ZNF444: variants seen among roughly 807,000 people sequenced by gnomAD.
ZNF444 encodes endothelial zinc finger protein 2.
In ZNF444, 8 loss-of-function variants were observed where a neutral mutation model predicts 14.4. The observed-to-expected ratio is 0.56, with a 90% CI of 0.33 to 1.00. The LOEUF is 1.00. Among genes scored for constraint, ZNF444 ranks in the 50% least tolerant of loss-of-function variants. The pLI is 0.03. For synonymous variants in ZNF444, 258 were observed against 235.9 expected (o/e 1.09, Z -0.86); for missense variants, 510 against 504.8 (o/e 1.01, Z -0.10).
intron 3 of ZNF444, chr19:56,154,226 CCTT>C (rs1278353599): frequency 8.5e-5 from 13 of 152,294 alleles, no homozygotes; most frequent in African/African-American, 1.7e-4. Context: ...TGATGAAAGA[CCTT>C]CGCGTATAGA....
chr19:56,160,515 T>G lies in ZNF444; in HGVS notation c.*314T>G, dbSNP rs2032231418. On this transcript the variant is annotated 3_prime_UTR_variant, in exon 5 of 5. Transcript: ENST00000337080. The stretch of plus-strand genomic sequence containing the variant: ...CTCTTCTCTCTCCTGCGGCCCAGCC[T>G]CCCTCTCCCTCCTCCATTCCTCTCT... 1 of 328,078 alleles carries G rather than the reference T, an allele frequency of 3.0e-6. No homozygotes were observed. The allele number at this position is 328,078 out of a possible 1,614,324, so 20.3% of individuals were successfully genotyped here.
At chr19:56,135,187 C>T (rs532901327) in intron 1 of ZNF444, among the ~76,000 whole-genome samples, 3 of 152,026 alleles carry the variant, frequency 2.0e-5, no homozygotes, top group Non-Finnish European at 4.4e-5. Flanking sequence ...GCCGAGATCG[C>T]GCCACTGCAC....
intron 3 of ZNF444, chr19:56,150,337 G>T: frequency 3.9e-6 from 1 of 257,434 alleles, no homozygotes; most frequent in Non-Finnish European, 7.7e-6. Context: ...TGAGAGTTCT[G>T]TTGGTTCAGT....
chr19:56,147,520 G>A lies in ZNF444; in HGVS notation c.297+312G>A, dbSNP rs942290528. ...TGGAAGCAGCTGGGAAGAAGGCCAC[G>A]AAGGCTCCAGGGAGCGCAGTTACCA... On this transcript the variant is annotated intron_variant, in intron 3 of 4. Coordinates refer to ENST00000337080, the MANE Select transcript of ZNF444 (RefSeq NM_018337.4). This position sits in a 1 kb window ranked among gnomAD's most constrained non-coding sequence, Gnocchi z 5.9. Among the ~76,000 whole-genome samples the A allele has an allele frequency of 6.6e-6, 1 of 152,032 alleles. No homozygotes were observed. The highest frequency in any genetic ancestry group is 2.4e-5 in the African/African-American group (1 of 41,372).
intron 1 of ZNF444, among the ~76,000 whole-genome samples, chr19:56,134,819 A>G (rs966173273): frequency 5.3e-5 from 8 of 152,094 alleles, no homozygotes; most frequent in Non-Finnish European, 1.2e-4. Context: ...TGTTTAAAAA[A>G]AAAAAAAGTA....
chr19:56,141,036 C>T (rs1419682250), upstream of ZNF444: 1 of 152,148 alleles, frequency 6.6e-6, no homozygotes, highest in South Asian at 2.1e-4. Flanking sequence ...AGGCTGCAGA[C>T]GACGCTTTCG....
In ZNF444 at chr19:56,144,980, G is replaced by C. The variant is rs1363853022; in HGVS notation, c.-196-1267G>C. Reference sequence around the variant, plus strand: ...CCAGCGAGTGACTATCTTTGGCTCTGTGGACAGCCTTACAGGCCACCCAGG... The same window carrying C: ...CCAGCGAGTGACTATCTTTGGCTCTCTGGACAGCCTTACAGGCCACCCAGG... On this transcript the variant is annotated intron_variant, in intron 1 of 4. Transcript: ENST00000337080. This position sits in a 1 kb window ranked among gnomAD's most constrained non-coding sequence, Gnocchi z 4.0. 1.3e-5 allele frequency among the ~76,000 whole-genome samples: 2 copies of C among 152,238 alleles called. No individual in the cohort carries two copies. The highest frequency in any genetic ancestry group is 2.9e-5 in the Non-Finnish European group (2 of 68,050).
chr19:56,160,475 T>G lies in ZNF444; in HGVS notation c.*274T>G. Reference sequence around the variant, plus strand: ...TGTGTGAAGGGGCCTCTCCCTAATGTCTCCTCCTTCCCCCCTCTTCTCTCT... The same window carrying G: ...TGTGTGAAGGGGCCTCTCCCTAATGGCTCCTCCTTCCCCCCTCTTCTCTCT... On this transcript the variant is annotated 3_prime_UTR_variant, in exon 5 of 5. Coordinates refer to ENST00000337080, the MANE Select transcript of ZNF444 (RefSeq NM_018337.4). 1 of 399,776 alleles carries G rather than the reference T, an allele frequency of 2.5e-6. No homozygotes were observed. The highest frequency in any genetic ancestry group is 4.7e-5 in the Admixed American group (1 of 21,468). 24.8% of individuals were successfully genotyped at this position (399,776 alleles called of 1,614,324 possible).
At chr19:56,133,448 G>A (rs145870458) in intron 1 of ZNF444, among the ~76,000 whole-genome samples, 7 of 152,220 alleles carry the variant, frequency 4.6e-5, no homozygotes, top group African/African-American at 7.2e-5. Flanking sequence ...CTTAAAACCC[G>A]GGTCTCTTGC....
chr19:56,135,114 C>A (rs189314557), intron 1 of ZNF444, among the ~76,000 whole-genome samples: 1 of 152,186 alleles, frequency 6.6e-6, no homozygotes, highest in East Asian at 1.9e-4. Flanking sequence ...GCCTGTAGTC[C>A]CAGCTACTGG....
At chr19:56,140,212 C>T (rs2030721043), upstream of ZNF444, among the ~76,000 whole-genome samples, 1 of 151,952 alleles carries the variant, frequency 6.6e-6, no homozygotes, top group Non-Finnish European at 1.5e-5. Context: ...TCAGATCAGC[C>T]GGGGAGGTGG....
chr19:56,147,227 C>T lies in ZNF444; in HGVS notation c.297+19C>T, dbSNP rs769792933. 1.3e-5 allele frequency: 18 copies of T among 1,410,300 alleles called. No homozygotes were observed. Among genetic ancestry groups the T allele is most frequent in the Non-Finnish European group, 1.4e-5 (15 of 1,087,588 alleles). 87.4% of individuals were successfully genotyped at this position (1,410,300 alleles called of 1,614,324 possible). A position where few individuals can be genotyped will look rare whatever the true frequency, so the allele number is the denominator to read the frequency against. ...GCTCTGGGTGAGCCTGGCGGGACTG[C>T]AAGCGGGGAAGGGAGAGGGGAAGGT... On this transcript the variant is annotated intron_variant, in intron 3 of 4. Transcript: ENST00000337080. This position sits in a 1 kb window ranked among gnomAD's most constrained non-coding sequence, Gnocchi z 5.9.
At chr19:56,158,309 T>G in intron 3 of ZNF444, 185 bp from the exon 4 acceptor site, 2 of 515,074 alleles carry the variant, frequency 3.9e-6, no homozygotes, top group Non-Finnish European at 3.3e-6. Flanking sequence ...TGGCAGGGGG[T>G]TGGCAGGAGG....
rs115412164 is a variant in ZNF444 at position 56,133,858 on chromosome 19, C to T, written c.-197+1080C>T. On this transcript the variant is annotated intron_variant, in intron 1 of 2. Transcript: ENST00000587467. ...TGATTCCTGATGAGCTCTGCTGCCT[C>T]GCCGGGGGAGCATGAGGGGGAAGTC... Among the ~76,000 whole-genome samples, 795 of 151,908 alleles carry T rather than the reference C, an allele frequency of 5.2e-3. 7 individuals carry two copies. The highest frequency in any genetic ancestry group is 0.018 in the African/African-American group (744 of 41,382).
At chr19:56,150,627 A>G in intron 3 of ZNF444, 1 of 454,122 alleles carries the variant, frequency 2.2e-6, no homozygotes, top group Non-Finnish European at 4.4e-6. Flanking sequence ...CAATGATACA[A>G]CATGGTCTTA....
chr19:56,145,242 T>C lies in ZNF444; in HGVS notation c.-196-1005T>C, dbSNP rs891459755. Among the ~76,000 whole-genome samples, 2 of 152,234 alleles carry C rather than the reference T, an allele frequency of 1.3e-5. No individual in the cohort carries two copies. The highest frequency in any genetic ancestry group is 4.8e-5 in the African/African-American group (2 of 41,460). ...GAGTCATATCTATTGTTACGTATCA[T>C]AGTAGAAACCAAAACAGAAAATTGT... is the stretch of plus-strand genomic sequence containing the variant. On this transcript the variant is annotated intron_variant, in intron 1 of 4. Coordinates refer to ENST00000337080, the MANE Select transcript of ZNF444 (RefSeq NM_018337.4). This position sits in a 1 kb window ranked among gnomAD's most constrained non-coding sequence, Gnocchi z 4.3.
intron 2 of ZNF444, 126 bp downstream of exon 2, chr19:56,146,546 T>G: frequency 1.1e-5 from 2 of 178,034 alleles, no homozygotes; most frequent in Non-Finnish European, 2.3e-5. Context: ...TCCCAGCACT[T>G]TGGGAGGCCG....
intron 3 of ZNF444, among the ~76,000 whole-genome samples, chr19:56,154,079 C>T (rs1425586432): frequency 1.3e-5 from 2 of 152,180 alleles, no homozygotes; most frequent in African/African-American, 2.4e-5. Context: ...TTGAGAACAC[C>T]GTGTTCAACG....
upstream of ZNF444, among the ~76,000 whole-genome samples, chr19:56,139,046 G>A (rs145285550): frequency 1.6e-3 from 250 of 151,914 alleles, no homozygotes; most frequent in African/African-American, 5.7e-3. Flanking sequence ...CGCACGCCTC[G>A]GTCTCCCAAA....
Sources: allele counts gnomAD v4.1 joint callset (sites outside exome capture counted in the v4.1 genomes callset), GRCh38; gene constraint gnomAD v4.1.1; non-coding constraint Gnocchi (gnomAD v3.1); transcripts MANE v1.5; gene names NCBI Gene and HGNC (gene_info 2026-07-23, HGNC 2026-07-21).